The following ANKRD17 variants were observed in gnomAD, a reference collection of about 807,000 sequenced individuals.
The protein encoded by ANKRD17 is ankyrin repeat domain 17.
A neutral mutation model predicts 229.7 loss-of-function variants in ANKRD17; 19 were observed. The observed-to-expected ratio is 0.08, with a 90% confidence interval of 0.06 to 0.12. ANKRD17 has a LOEUF of 0.12. ANKRD17 is among the 10% of genes least tolerant of loss of function. ANKRD17 has a pLI of 1.00. For synonymous variants in ANKRD17, 1,112 were observed against 1,146.1 expected (o/e 0.97, Z 0.60); for missense variants, 2,176 against 3,176.8 (o/e 0.68, Z 7.57).
At chr4:73,217,011 C>T (rs1258780840) in intron 1 of ANKRD17, among the ~76,000 whole-genome samples, 2 of 152,200 alleles carry the variant, frequency 1.3e-5, no homozygotes, top group African/African-American at 4.8e-5. Flanking sequence ...GACTTCATAT[C>T]AGAATGAGCT....
rs781149975 is a variant in ANKRD17 at position 73,085,233 on chromosome 4, G to A, written c.7159+16C>T. 2.5e-5 allele frequency: 41 copies of A among 1,609,234 alleles called. No homozygotes were observed. The highest frequency in any genetic ancestry group is 3.3e-5 in the Non-Finnish European group (39 of 1,176,290). ...CATATGCAGATTCTTATGGAATTAC[G>A]GTGTATAAAACTCACCATTTGATGC... is the stretch of plus-strand genomic sequence containing the variant. On this transcript the variant is annotated intron_variant, in intron 30 of 33. Coordinates refer to ENST00000358602, the MANE Select transcript of ANKRD17 (RefSeq NM_032217.5).
At chr4:73,154,954 T>C (rs1025540465) in intron 5 of ANKRD17, among the ~76,000 whole-genome samples, 6 of 148,790 alleles carry the variant, frequency 4.0e-5, no homozygotes, top group South Asian at 2.1e-4. Flanking sequence ...GGCAGGAGAA[T>C]GGCGTGAACC....
intron 1 of ANKRD17, among the ~76,000 whole-genome samples, chr4:73,211,508 T>C (rs1304994299): frequency 6.6e-6 from 1 of 152,198 alleles, no homozygotes; most frequent in Non-Finnish European, 1.5e-5. Context: ...CACACTATCA[T>C]CTCAAACTTT....
intron 1 of ANKRD17, among the ~76,000 whole-genome samples, chr4:73,249,774 T>G (rs1436036978): frequency 6.6e-6 from 1 of 152,188 alleles, no homozygotes; most frequent in African/African-American, 2.4e-5. Flanking sequence ...AAGAATCACT[T>G]GAATCTGGAA....
intron 12 of ANKRD17, 114 bp from the exon 13 acceptor site, chr4:73,142,499 G>A (rs780085572): frequency 2.5e-6 from 4 of 1,572,210 alleles, no homozygotes; most frequent in Non-Finnish European, 3.5e-6. Context: ...CATAGGTTTG[G>A]TAAAGAACGC....
chr4:73,098,605 C>T, intron 25 of ANKRD17, 85 bp from the exon 26 acceptor site: 1 of 1,267,628 alleles, frequency 7.9e-7, no homozygotes, highest in South Asian at 1.4e-5. Flanking sequence ...AAAGAAAAAC[C>T]CAGGAGAGAT....
chr4:73,256,393 G>A (rs1001702396), intron 1 of ANKRD17, among the ~76,000 whole-genome samples: 6 of 152,110 alleles, frequency 3.9e-5, no homozygotes, highest in Non-Finnish European at 2.9e-5. Context: ...ATAGTTTCAC[G>A]AGAATTTAAA....
chr4:73,215,188 G>A (rs1740847973), intron 1 of ANKRD17, among the ~76,000 whole-genome samples: 1 of 151,742 alleles, frequency 6.6e-6, no homozygotes. Flanking sequence ...TTAGAATTTT[G>A]GAGATCTTAT....
intron 1 of ANKRD17, among the ~76,000 whole-genome samples, chr4:73,234,893 T>C (rs1391504247): frequency 6.6e-6 from 1 of 152,150 alleles, no homozygotes; most frequent in African/African-American, 2.4e-5. Context: ...TCTTAAGTAT[T>C]ACCCAACTGC....
intron 1 of ANKRD17, among the ~76,000 whole-genome samples, chr4:73,234,534 T>C (rs1743336387): frequency 6.6e-6 from 1 of 152,202 alleles, no homozygotes; most frequent in Non-Finnish European, 1.5e-5. Flanking sequence ...CTGAGGTTAT[T>C]TGGGTTTGTT....
intron 6 of ANKRD17, 43 bp downstream of exon 6, chr4:73,153,837 C>T: frequency 8.0e-7 from 1 of 1,250,386 alleles, no homozygotes; most frequent in Non-Finnish European, 1.1e-6. Context: ...ATTATAATTT[C>T]ACATATTTAA....
intron 16 of ANKRD17, among the ~76,000 whole-genome samples, chr4:73,130,262 C>T (rs1206577301): frequency 3.3e-5 from 5 of 151,986 alleles, no homozygotes; most frequent in Non-Finnish European, 7.4e-5. Context: ...AATAAATAAC[C>T]TATTAAAAGC....
At position 73,142,764 on chromosome 4, in the gene ANKRD17, G is replaced by C. The variant is rs781617560; in HGVS notation, c.1961C>G (p.Ala654Gly). ...ATTAGCTGTGGTTCTATTCACATTCGCTCCTAAAACAGAAAAGGCATGGAA... is the reference window on the plus strand; with the variant it reads ...ATTAGCTGTGGTTCTATTCACATTCCCTCCTAAAACAGAAAAGGCATGGAA... ...CTVQFLISKG[A>G]NVNRTTANND... Residue 654 changes from alanine (A) to glycine (G), a missense_variant, in exon 12 of 34, where the codon GCG (alanine) becomes GGG (glycine). By Grantham distance (60) the Ala-to-Gly change is moderately conservative. This residue lies in a region of ANKRD17 where 275 missense variants were observed against 386.9 expected (regional missense o/e 0.71). Coordinates refer to ENST00000358602, the MANE Select transcript of ANKRD17 (RefSeq NM_032217.5). The C allele has an allele frequency of 1.2e-6, 2 of 1,607,236 alleles. No homozygotes were observed. Among genetic ancestry groups the C allele is most frequent in the Admixed American group, 1.7e-5 (1 of 58,368 alleles).
At chr4:73,154,195 GA>G (rs1198546148) in intron 5 of ANKRD17, 82 bp from the exon 6 acceptor site, 3 of 844,068 alleles carry the variant, frequency 3.6e-6, no homozygotes, top group Non-Finnish European at 5.2e-6. Context: ...TAAGAAAATG[GA>G]AACAGAAGAC....
chr4:73,212,119 C>T (rs1163398976), intron 1 of ANKRD17, among the ~76,000 whole-genome samples: 1 of 152,010 alleles, frequency 6.6e-6, no homozygotes, highest in Non-Finnish European at 1.5e-5. Flanking sequence ...AAACACACTC[C>T]CAAGGTGTGG....
chr4:73,133,179 G>A (rs1460454238), intron 16 of ANKRD17, among the ~76,000 whole-genome samples: 2 of 151,820 alleles, frequency 1.3e-5, no homozygotes, highest in Non-Finnish European at 2.9e-5. Flanking sequence ...GAACCTGGGA[G>A]GCGGAGGCTA....
chr4:73,225,223 T>G (rs1742343393), intron 1 of ANKRD17, among the ~76,000 whole-genome samples: 1 of 152,180 alleles, frequency 6.6e-6, no homozygotes, highest in Non-Finnish European at 1.5e-5. Flanking sequence ...GTCAACAAAG[T>G]TTCCCTTCCT....
At chr4:73,233,912 T>C (rs963980811) in intron 1 of ANKRD17, among the ~76,000 whole-genome samples, 2 of 152,200 alleles carry the variant, frequency 1.3e-5, no homozygotes, top group Non-Finnish European at 2.9e-5. Context: ...TGGGATCTTC[T>C]TGTCCTTAAG....
intron 1 of ANKRD17, among the ~76,000 whole-genome samples, chr4:73,191,196 A>T (rs1737018952): frequency 6.6e-6 from 1 of 152,150 alleles, no homozygotes; most frequent in African/African-American, 2.4e-5. Context: ...TGGAGTATTG[A>T]ATCCAGAACA....
Sources: allele counts gnomAD v4.1 joint callset (sites outside exome capture counted in the v4.1 genomes callset), GRCh38; gene constraint gnomAD v4.1.1; regional missense constraint gnomAD v4.1.1; transcripts MANE v1.5; gene names NCBI Gene and HGNC (gene_info 2026-07-23, HGNC 2026-07-21).